The following PARD3B variants were observed in gnomAD, a reference collection of about 807,000 sequenced individuals.
PARD3B encodes the protein partitioning defective 3 homolog B.
PARD3B carries 103 observed loss-of-function variants against 130.2 expected under a neutral mutation model. The ratio of observed to expected loss-of-function variants is 0.79; its 90% CI spans 0.67 to 0.93. The LOEUF (loss-of-function observed/expected upper bound fraction) is 0.93. Ranked by LOEUF, PARD3B falls within the 40% of genes least tolerant of loss-of-function variation. The probability of loss-of-function intolerance (pLI) is 0.00; values close to 1 mark genes in which losing one functional copy is unlikely to be tolerated. For synonymous variants in PARD3B, 583 were observed against 553.2 expected (o/e 1.05, Z -0.76); for missense variants, 1,609 against 1,499.2 (o/e 1.07, Z -1.21).
chr2:205,227,520 A>G (rs1219287185), intron 15 of PARD3B, among the ~76,000 whole-genome samples: 1 of 151,970 alleles, frequency 6.6e-6, no homozygotes, highest in Non-Finnish European at 1.5e-5. Context: ...TTTAGTTTCC[A>G]CTGGGATGGG....
chr2:205,097,823 C>G (rs986785689), intron 4 of PARD3B, among the ~76,000 whole-genome samples: 3 of 66,942 alleles, frequency 4.5e-5, no homozygotes, highest in Non-Finnish European at 8.7e-5. Flanking sequence ...GGTGTAAAAT[C>G]TAGTGGCGTG....
intron 15 of PARD3B, among the ~76,000 whole-genome samples, chr2:205,227,714 G>A (rs1002770705): frequency 6.6e-6 from 1 of 151,852 alleles, no homozygotes; most frequent in Admixed American, 6.6e-5. Context: ...TCTTACTCTT[G>A]CCATTTTGTT....
intron 2 of PARD3B, among the ~76,000 whole-genome samples, chr2:204,788,633 C>T (rs1273259483): frequency 2.0e-5 from 3 of 152,128 alleles, no homozygotes; most frequent in East Asian, 3.9e-4. Context: ...AATCCAGAAT[C>T]GTAGCTCCAG....
At position 204,998,736 on chromosome 2, in the gene PARD3B, T is replaced by C. The variant is rs144913707; in HGVS notation, c.394+33413T>C. Among the ~76,000 whole-genome samples the C allele has an allele frequency of 3.7e-3, 564 of 152,074 alleles. 2 individuals carry two copies. Among genetic ancestry groups the C allele is most frequent in the African/African-American group, 0.013 (542 of 41,488 alleles). On this transcript the variant is annotated intron_variant, in intron 3 of 22. Transcript: ENST00000406610. ...ATGATATATTGTATTGATTGAGTAA[T>C]TATAGTTTCGCAGTGTTGCCAGGCT...
intron 3 of PARD3B, among the ~76,000 whole-genome samples, chr2:205,047,127 G>A (rs1382351317): frequency 1.3e-5 from 2 of 152,130 alleles, no homozygotes; most frequent in Non-Finnish European, 2.9e-5. Flanking sequence ...ATTTATTTTG[G>A]TCTATATCAT....
intron 10 of PARD3B, among the ~76,000 whole-genome samples, chr2:205,136,513 C>T (rs914394077): frequency 2.0e-5 from 3 of 152,146 alleles, no homozygotes; most frequent in Admixed American, 1.3e-4. Flanking sequence ...CTATGGTTCC[C>T]GGCTTATGGA....
intron 2 of PARD3B, among the ~76,000 whole-genome samples, chr2:204,883,455 A>ATATAAAATATATATATATATATATT (rs1377428928): frequency 3.1e-4 from 24 of 77,278 alleles, no homozygotes; most frequent in Non-Finnish European, 3.7e-4. Context: ...ATATATATAT[A>ATATAAAATATATATATATATATATT]TTTTTTTTTT....
intron 1 of PARD3B, among the ~76,000 whole-genome samples, chr2:204,600,511 A>G (rs778173416): frequency 2.6e-5 from 4 of 151,694 alleles, no homozygotes; most frequent in Non-Finnish European, 1.5e-5. Flanking sequence ...ATTCCGTTCC[A>G]TTGGTCTGTG....
At chr2:205,026,560 G>C (rs1397486) in intron 3 of PARD3B, among the ~76,000 whole-genome samples, 148,383 of 152,128 alleles carry the variant, frequency 0.98, 72,458 homozygotes, top group Middle Eastern at 1. Context: ...AAAATCTTCT[G>C]TCATCAAATT....
At chr2:204,574,168 T>A (rs2032140689) in intron 1 of PARD3B, among the ~76,000 whole-genome samples, 1 of 152,238 alleles carries the variant, frequency 6.6e-6, no homozygotes, top group African/African-American at 2.4e-5. Context: ...TGGAGCTGTT[T>A]AAGAACCATG....
At chr2:205,237,705 A>G (rs2039131641) in intron 15 of PARD3B, among the ~76,000 whole-genome samples, 2 of 152,228 alleles carry the variant, frequency 1.3e-5, no homozygotes. Context: ...GCCAAAAAAT[A>G]GAGAGGAATC....
intron 10 of PARD3B, among the ~76,000 whole-genome samples, chr2:205,141,264 T>C (rs1327956596): frequency 6.6e-6 from 1 of 151,710 alleles, no homozygotes; most frequent in Non-Finnish European, 1.5e-5. Context: ...GCTTCCCAAT[T>C]CCGTTATTTA....
chr2:205,540,400 ACT>A (rs1193680215), intron 21 of PARD3B, among the ~76,000 whole-genome samples: 6 of 151,804 alleles, frequency 4.0e-5, no homozygotes, highest in African/African-American at 7.3e-5. Flanking sequence ...TTTAAAAAAT[ACT>A]CTCTTTTCAC....
intron 2 of PARD3B, among the ~76,000 whole-genome samples, chr2:204,754,521 G>A (rs879888655): frequency 2.0e-5 from 3 of 152,018 alleles, no homozygotes; most frequent in Non-Finnish European, 4.4e-5. Context: ...AGTTATTCTG[G>A]AAATCAATAA....
At chr2:205,056,429 G>A (rs1044645485) in intron 4 of PARD3B, among the ~76,000 whole-genome samples, 2 of 151,870 alleles carry the variant, frequency 1.3e-5, no homozygotes, top group Admixed American at 1.3e-4. Flanking sequence ...TTACGCTTGT[G>A]GAAACATATA....
At chr2:204,823,746 C>G (rs1022708310) in intron 2 of PARD3B, among the ~76,000 whole-genome samples, 3 of 152,110 alleles carry the variant, frequency 2.0e-5, no homozygotes, top group African/African-American at 7.2e-5. Flanking sequence ...TCAAGACCAG[C>G]TGGACCAGTA....
chr2:205,087,165 A>G (rs1307462905), intron 4 of PARD3B, among the ~76,000 whole-genome samples: 1 of 152,232 alleles, frequency 6.6e-6, no homozygotes, highest in Non-Finnish European at 1.5e-5. Flanking sequence ...TGAACTTAAA[A>G]GTACATCCAA....
In PARD3B at chr2:205,437,664, GAACATTA is replaced by G. The variant is rs146580937; in HGVS notation, c.2742-2705_2742-2699del. Among the ~76,000 whole-genome samples the G allele has an allele frequency of 2.7e-3, 416 of 152,088 alleles. 2 individuals are homozygous for G. The highest frequency in any genetic ancestry group is 9.6e-3 in the African/African-American group (398 of 41,504). On this transcript the variant is annotated intron_variant, in intron 19 of 22. Transcript: ENST00000406610. ...GCAGATCTGGGCAACATAAAAGTCTGAACATTAGACTGTGATGAAAGAAATGGAAATA... is the reference window on the plus strand; with the variant it reads ...GCAGATCTGGGCAACATAAAAGTCTGGACTGTGATGAAAGAAATGGAAATA...
intron 2 of PARD3B, among the ~76,000 whole-genome samples, chr2:204,758,757 T>C (rs1375723102): frequency 2.0e-5 from 3 of 152,162 alleles, no homozygotes; most frequent in Non-Finnish European, 4.4e-5. Context: ...AGATGTGCAG[T>C]GAATAAAGGA....
Sources: allele counts gnomAD v4.1 joint callset (sites outside exome capture counted in the v4.1 genomes callset), GRCh38; gene constraint gnomAD v4.1.1; transcripts MANE v1.5; gene names NCBI Gene and HGNC (gene_info 2026-07-23, HGNC 2026-07-21).